MFAP5: variants seen among roughly 807,000 people sequenced by gnomAD.
The protein encoded by MFAP5 is microfibril associated protein 5, also known as microfibrillar-associated protein 5.
A neutral mutation model predicts 30.1 loss-of-function variants in MFAP5; 19 were observed. The ratio of observed to expected loss-of-function variants is 0.63; its 90% confidence interval spans 0.44 to 0.93. The LOEUF (loss-of-function observed/expected upper bound fraction) is 0.93. MFAP5 is among the 40% of genes least tolerant of loss of function. MFAP5 has a pLI of 0.00. For missense variants in MFAP5, 210 were observed against 221.3 expected (o/e 0.95, Z 0.32); for synonymous variants, 92 against 72.9 (o/e 1.26, Z -1.33).
At chr12:8,652,445 A>AAAATAAATAAATAAAT (rs56176308) in intron 6 of MFAP5, among the ~76,000 whole-genome samples, 2 of 147,550 alleles carry the variant, frequency 1.4e-5, no homozygotes, top group African/African-American at 5.0e-5. Context: ...ACTCCATCTC[A>AAAATAAATAAATAAAT]AAATAAATAA....
intron 6 of MFAP5, chr12:8,654,162 A>G (rs1941918586): frequency 1.2e-5 from 4 of 337,988 alleles, no homozygotes; most frequent in Non-Finnish European, 2.1e-5. Flanking sequence ...TCAAAGCATT[A>G]CTTCTTCTAC....
chr12:8,651,001 T>C lies in MFAP5; in HGVS notation c.248-412A>G, dbSNP rs185085795. On this transcript the variant is annotated intron_variant, in intron 7 of 9. Transcript: ENST00000359478. ...GGCCAACAAGGTAAAACCCCGTCTC[T>C]ACTGAAAATACAAAAATTAGCCAGG... Among the ~76,000 whole-genome samples the C allele has an allele frequency of 9.4e-3, 1,433 of 152,184 alleles. 14 individuals are homozygous for C. Among genetic ancestry groups the C allele is most frequent in the Admixed American group, 0.028 (428 of 15,284 alleles).
chr12:8,658,018 G>A (rs2136477638), intron 3 of MFAP5, among the ~76,000 whole-genome samples: 1 of 152,278 alleles, frequency 6.6e-6, no homozygotes, highest in African/African-American at 2.4e-5. Context: ...AATTTCCCTT[G>A]CTTACCTCAT....
chr12:8,648,599 A>G, intron 9 of MFAP5: 4 of 1,163,840 alleles, frequency 3.4e-6, no homozygotes, highest in Non-Finnish European at 4.6e-6. Context: ...GTATACATTT[A>G]CGTGCTTACT....
At chr12:8,648,564 T>C in intron 9 of MFAP5, 1 of 1,268,372 alleles carries the variant, frequency 7.9e-7, no homozygotes, top group Non-Finnish European at 1.0e-6. Context: ...ATCTATTAAA[T>C]AGAAAAATGA....
In MFAP5 at chr12:8,655,411, T is replaced by C; in HGVS notation, c.172+4A>G. 6.3e-7 allele frequency: 1 copy of C among 1,598,296 alleles called. No individual in the cohort carries two copies. Among genetic ancestry groups the C allele is most frequent in the Non-Finnish European group, 8.5e-7 (1 of 1,173,298 alleles). On this transcript the variant is annotated splice_donor_region_variant and intron_variant, in intron 5 of 9. Transcript: ENST00000359478. ...ATTTTTTTTTTAACTGCGGTAAAAT[T>C]TACCTGTTTCATCTGTAGCGGGATC... is the stretch of plus-strand genomic sequence containing the variant.
At chr12:8,651,592 A>C in intron 7 of MFAP5, 70 bp downstream of exon 7, 1 of 1,468,324 alleles carries the variant, frequency 6.8e-7, no homozygotes, top group Non-Finnish European at 9.5e-7. Flanking sequence ...GTACCCTCCA[A>C]AGAACAAGGA....
At chr12:8,650,466 T>C (rs1386584763) in intron 8 of MFAP5, 36 bp downstream of exon 8, 3 of 1,586,452 alleles carry the variant, frequency 1.9e-6, no homozygotes, top group Admixed American at 1.7e-5. Flanking sequence ...AACACTACCA[T>C]GGAAGATGCT....
chr12:8,653,192 CAA>C (rs71451973), intron 6 of MFAP5, among the ~76,000 whole-genome samples: 52 of 110,848 alleles, frequency 4.7e-4, no homozygotes, highest in Non-Finnish European at 4.2e-4. Flanking sequence ...GACTCTGTGT[CAA>C]AAAAAAAAAA....
At chr12:8,648,355 T>C (rs1274108557) in intron 9 of MFAP5, 152 bp from the exon 10 acceptor site, 1 of 903,694 alleles carries the variant, frequency 1.1e-6, no homozygotes. Context: ...CTTACTTTAG[T>C]TATTTGCCAC....
At chr12:8,648,297 G>C (rs1300265728) in intron 9 of MFAP5, 94 bp from the exon 10 acceptor site, 1 of 1,099,504 alleles carries the variant, frequency 9.1e-7, no homozygotes, top group Non-Finnish European at 1.3e-6. Flanking sequence ...GTGTGGTGTA[G>C]TGAAAAGGTT....
At chr12:8,652,331 G>T (rs1941859407) in intron 6 of MFAP5, among the ~76,000 whole-genome samples, 1 of 152,050 alleles carries the variant, frequency 6.6e-6, no homozygotes, top group African/African-American at 2.4e-5. Context: ...TGTAATCCCA[G>T]CTACTCAGGA....
intron 7 of MFAP5, 65 bp downstream of exon 7, chr12:8,651,597 C>A (rs1356871466): frequency 6.7e-7 from 1 of 1,492,990 alleles, no homozygotes; most frequent in African/African-American, 1.4e-5. Flanking sequence ...CTCCAAAGAA[C>A]AAGGAGGTAA....
Position 8,655,815 on chromosome 12 carries a change from G to T in MFAP5, c.110C>A (p.Ala37Glu). 6.2e-7 allele frequency: 1 copy of T among 1,611,670 alleles called. No homozygotes were observed. Residue 37 changes from alanine to glutamate, a missense_variant, in exon 4 of 10, where the codon GCG (alanine) becomes GAG (glutamate). By Grantham distance (107) the Ala-to-Glu change is moderately radical. Transcript: ENST00000359478. Reference sequence around the variant, plus strand: ...ATCTTCTGTGAATGTTTCTGGAGTCGCTTGAGTCACATCGTCTGAAAAGAA... The same window carrying T: ...ATCTTCTGTGAATGTTTCTGGAGTCTCTTGAGTCACATCGTCTGAAAAGAA... ...NSQRGDDVTQ[A>E]TPETFTEDPN...
chr12:8,656,481 C>CA (rs1176831922), intron 3 of MFAP5, among the ~76,000 whole-genome samples: 4 of 149,234 alleles, frequency 2.7e-5, no homozygotes, highest in African/African-American at 1.0e-4. Flanking sequence ...AGTCTCGGCT[C>CA]ACTGCAACCT....
chr12:8,662,189 G>T (rs1942173913), intron 1 of MFAP5, 83 bp from the exon 2 acceptor site: 3 of 1,151,160 alleles, frequency 2.6e-6, no homozygotes, highest in African/African-American at 3.1e-5. Flanking sequence ...TGCCTCTGAG[G>T]TCCCTGTCTC....
At chr12:8,650,434 A>G in intron 8 of MFAP5, 68 bp downstream of exon 8, 18 of 1,504,728 alleles carry the variant, frequency 1.2e-5, no homozygotes, top group Non-Finnish European at 1.7e-5. Context: ...GTGGGTGCTC[A>G]TTAAATAGTT....
intron 2 of MFAP5, among the ~76,000 whole-genome samples, chr12:8,661,466 G>A (rs1312060876): frequency 2.6e-5 from 4 of 151,966 alleles, no homozygotes; most frequent in Non-Finnish European, 5.9e-5. Flanking sequence ...GAGTATACCT[G>A]CATGCATGAT....
At chr12:8,653,098 AG>A (rs1941882637) in intron 6 of MFAP5, among the ~76,000 whole-genome samples, 1 of 151,928 alleles carries the variant, frequency 6.6e-6, no homozygotes, top group Non-Finnish European at 1.5e-5. Context: ...AGGCTGAAGC[AG>A]GAGAATTGCT....
Sources: gnomAD v4.1 joint callset for allele counts (sites outside exome capture counted in the v4.1 genomes callset) on GRCh38, gnomAD v4.1.1 for gene constraint, MANE v1.5 for transcripts, NCBI Gene and HGNC (gene_info 2026-07-23, HGNC 2026-07-21) for gene names.